UBE2W: variants seen among roughly 807,000 people sequenced by gnomAD.
UBE2W encodes ubiquitin conjugating enzyme E2 W.
Under a neutral mutation model 27.2 loss-of-function variants are expected in UBE2W, and 18 were observed. The ratio of observed to expected loss-of-function variants is 0.66; its 90% CI spans 0.46 to 0.98. The LOEUF is 0.98. Among genes scored for constraint, UBE2W ranks in the 50% least tolerant of loss-of-function variants. The pLI is 0.00. For missense variants in UBE2W, 90 were observed against 180.2 expected (o/e 0.50, Z 2.87); for synonymous variants, 53 against 57.2 (o/e 0.93, Z 0.33).
intron 5 of UBE2W, among the ~76,000 whole-genome samples, chr8:73,794,374 CTGACA>C (rs1447374542): frequency 6.6e-6 from 1 of 152,140 alleles, no homozygotes; most frequent in Non-Finnish European, 1.5e-5. Context: ...AAATAATAAA[CTGACA>C]TGACATGTTA....
At chr8:73,781,269 CAAA>C (rs72377675), downstream of UBE2W, among the ~76,000 whole-genome samples, 749 of 86,094 alleles carry the variant, frequency 8.7e-3, 2 homozygotes, top group South Asian at 0.014. Context: ...GACTCAGTCT[CAAA>C]AAAAAAAAAA....
intron 1 of UBE2W, among the ~76,000 whole-genome samples, chr8:73,860,693 G>C (rs1214794168): frequency 6.6e-6 from 1 of 152,152 alleles, no homozygotes; most frequent in Non-Finnish European, 1.5e-5. Flanking sequence ...AGTGGATTTT[G>C]AGTAAAATTT....
At chr8:73,849,512 CAAAAAAAAAAA>C (rs71269951) in intron 1 of UBE2W, among the ~76,000 whole-genome samples, 17 of 22,778 alleles carry the variant, frequency 7.5e-4, no homozygotes, top group Middle Eastern at 0.083. Flanking sequence ...AACTCCATCT[CAAAAAAAAAAA>C]AAAAAAAAAA....
chr8:73,866,289 AAAT>A (rs1425913099), intron 1 of UBE2W, among the ~76,000 whole-genome samples: 39 of 88,888 alleles, frequency 4.4e-4, no homozygotes, highest in African/African-American at 7.5e-4. Flanking sequence ...AAAAAAAAAA[AAAT>A]ATATATATAT....
At chr8:73,832,152 T>TATATATATATATATATATATATATATATA (rs1563601356) in intron 1 of UBE2W, among the ~76,000 whole-genome samples, 4 of 150,830 alleles carry the variant, frequency 2.7e-5, no homozygotes, top group African/African-American at 9.8e-5. Context: ...TATATATATA[T>TATATATATATATATATATATATATATATA]TAGCCAGGTG....
intron 3 of UBE2W, among the ~76,000 whole-genome samples, chr8:73,823,076 C>G (rs1809691838): frequency 1.3e-5 from 2 of 152,042 alleles, no homozygotes; most frequent in Admixed American, 6.6e-5. Flanking sequence ...AGCTGTAGAT[C>G]TGGGAGTTAG....
At position 73,788,706 on chromosome 8, in the gene UBE2W, C is replaced by CTTTGAGAAAG; in HGVS notation, c.*5395_*5396insCTTTCTCAAA. 2.0e-6 allele frequency: 2 copies of CTTTGAGAAAG among 985,368 alleles called. No individual in the cohort carries two copies. The highest frequency in any genetic ancestry group is 2.4e-6 in the Non-Finnish European group (2 of 829,914). 61.0% of individuals were successfully genotyped at this position (985,368 alleles called of 1,614,324 possible). ...TGTCATTTTGAAATCATGCTTTTGC[C>CTTTGAGAAAG]TTTGAGAAAACAACTTAGAATTGTT... On this transcript the variant is annotated 3_prime_UTR_variant, in exon 6 of 6. Transcript: ENST00000602593.
chr8:73,850,729 A>T (rs1366421248), intron 1 of UBE2W, among the ~76,000 whole-genome samples: 3 of 148,876 alleles, frequency 2.0e-5, no homozygotes, highest in African/African-American at 7.3e-5. Context: ...GGACATTAAA[A>T]AAAAAAAAAA....
intron 5 of UBE2W, among the ~76,000 whole-genome samples, chr8:73,803,682 C>T (rs1258980736): frequency 6.6e-6 from 1 of 151,982 alleles, no homozygotes; most frequent in Admixed American, 6.6e-5. Flanking sequence ...TCTTCTAAGT[C>T]ATATGTATTT....
intron 5 of UBE2W, among the ~76,000 whole-genome samples, 179 bp downstream of exon 5, chr8:73,805,472 C>CAAACAAACAAAAAAA (rs1254739442): frequency 2.3e-5 from 1 of 43,676 alleles, no homozygotes; most frequent in African/African-American, 6.0e-5. Context: ...AAAAAAAAAA[C>CAAACAAACAAAAAAA]AAAAAAAACT....
intron 1 of UBE2W, among the ~76,000 whole-genome samples, chr8:73,863,887 A>G (rs185709920): frequency 1.3e-5 from 2 of 152,096 alleles, no homozygotes; most frequent in African/African-American, 2.4e-5. Flanking sequence ...TCAAAGTTGG[A>G]AACCACTGGT....
At position 73,786,320 on chromosome 8, in the gene UBE2W, A is replaced by G. The variant is rs1192308710; in HGVS notation, c.*7782T>C. 28 of 985,346 alleles carry G rather than the reference A, an allele frequency of 2.8e-5. No individual in the cohort carries two copies. Among genetic ancestry groups the G allele is most frequent in the Non-Finnish European group, 3.4e-5 (28 of 829,940 alleles). 61.0% of individuals were successfully genotyped at this position (985,346 alleles called of 1,614,324 possible). ...CATTTTACTCAGGTGGTGGTTCTGG[A>G]TATATGTTTCAAAATAGCTAGCACC... On this transcript the variant is annotated 3_prime_UTR_variant, in exon 6 of 6. Coordinates refer to ENST00000602593, the MANE Select transcript of UBE2W (RefSeq NM_018299.6).
At chr8:73,868,774 G>GA (rs1811881830) in intron 1 of UBE2W, among the ~76,000 whole-genome samples, 1 of 151,140 alleles carries the variant, frequency 6.6e-6, no homozygotes, top group South Asian at 2.1e-4. Context: ...GAGTACATAA[G>GA]AAAAATCATT....
At chr8:73,840,987 T>C (rs1810513594) in intron 1 of UBE2W, among the ~76,000 whole-genome samples, 1 of 152,122 alleles carries the variant, frequency 6.6e-6, no homozygotes, top group Admixed American at 6.5e-5. Flanking sequence ...TCAGGGAAGT[T>C]AAAAGTACAA....
chr8:73,800,516 G>C (rs1230380258), intron 5 of UBE2W, among the ~76,000 whole-genome samples: 1 of 152,160 alleles, frequency 6.6e-6, no homozygotes. Flanking sequence ...AGGTGAGTAA[G>C]AATCCAGTGC....
At chr8:73,818,801 C>T (rs927709024) in intron 3 of UBE2W, among the ~76,000 whole-genome samples, 9 of 152,214 alleles carry the variant, frequency 5.9e-5, no homozygotes, top group Admixed American at 6.5e-5. Context: ...TGTTCCCACT[C>T]TCGCCATGTG....
intron 5 of UBE2W, 132 bp from the exon 6 acceptor site, chr8:73,794,247 A>C: frequency 3.7e-6 from 4 of 1,081,502 alleles, no homozygotes; most frequent in Non-Finnish European, 5.3e-6. Flanking sequence ...TGCCTCCCCC[A>C]AACCTGTGAA....
At chr8:73,783,377 G>A (rs1427879845), downstream of UBE2W, among the ~76,000 whole-genome samples, 2 of 152,154 alleles carry the variant, frequency 1.3e-5, no homozygotes, top group African/African-American at 4.8e-5. Context: ...GGCTAATTCT[G>A]TATACAGTGT....
chr8:73,783,918 GC>G (rs1807889658), downstream of UBE2W, among the ~76,000 whole-genome samples: 1 of 151,932 alleles, frequency 6.6e-6, no homozygotes, highest in South Asian at 2.1e-4. Flanking sequence ...CATGCCACCA[GC>G]CTGGCTAATT....
Sources: allele counts gnomAD v4.1 joint callset (sites outside exome capture counted in the v4.1 genomes callset), GRCh38; gene constraint gnomAD v4.1.1; transcripts MANE v1.5; gene names NCBI Gene and HGNC (gene_info 2026-07-23, HGNC 2026-07-21).